RAD23B: variants seen among roughly 807,000 people sequenced by gnomAD.
RAD23B encodes RAD23 nucleotide excision repair protein B.
RAD23B carries 5 observed loss-of-function variants against 49.1 expected under a neutral mutation model. The observed-to-expected ratio is 0.10, with a 90% confidence interval of 0.05 to 0.21. The LOEUF (loss-of-function observed/expected upper bound fraction) is 0.21. Among genes scored for constraint, RAD23B ranks in the 10% least tolerant of loss-of-function variants. The probability of loss-of-function intolerance (pLI) is 1.00; values close to 1 mark genes in which losing one functional copy is unlikely to be tolerated. For synonymous variants in RAD23B, 184 were observed against 165.4 expected (o/e 1.11, Z -0.86); for missense variants, 356 against 486.7 (o/e 0.73, Z 2.53).
intron 1 of RAD23B, among the ~76,000 whole-genome samples, chr9:107,294,094 T>C (rs1212393106): frequency 3.9e-5 from 6 of 152,234 alleles, no homozygotes; most frequent in Admixed American, 2.6e-4. Flanking sequence ...TGCACGGTAG[T>C]GCTCACATTA....
intron 9 of RAD23B, among the ~76,000 whole-genome samples, chr9:107,326,669 T>C (rs1489602196): frequency 8.0e-6 from 1 of 124,832 alleles, no homozygotes; most frequent in Non-Finnish European, 1.6e-5. Context: ...AGTCTCGCTC[T>C]GTTGCCCAGG....
chr9:107,294,901 G>C (rs1826467265), intron 1 of RAD23B, among the ~76,000 whole-genome samples: 1 of 152,110 alleles, frequency 6.6e-6, no homozygotes, highest in Non-Finnish European at 1.5e-5. Context: ...TGGAGAGATA[G>C]GAAAACCAAA....
intron 3 of RAD23B, among the ~76,000 whole-genome samples, chr9:107,302,891 C>T (rs188218314): frequency 4.7e-4 from 71 of 151,988 alleles, no homozygotes; most frequent in African/African-American, 1.6e-3. Context: ...TTCCTGACCT[C>T]GTGATCCGCC....
chr9:107,320,087 A>T (rs1827078264), intron 6 of RAD23B, among the ~76,000 whole-genome samples: 1 of 152,254 alleles, frequency 6.6e-6, no homozygotes, highest in African/African-American at 2.4e-5. Flanking sequence ...AGAGTCAGTT[A>T]TAAGCCTCAT....
Position 107,331,787 on chromosome 9 carries a change from T to C in RAD23B, c.*2131T>C, listed in dbSNP as rs374441589. The C allele has an allele frequency of 1.4e-4, 105 of 767,620 alleles. 2 individuals carry two copies. The highest frequency in any genetic ancestry group is 1.1e-3 in the African/African-American group (65 of 58,370). The allele number at this position is 767,620 out of a possible 1,614,324, so 47.6% of individuals were successfully genotyped here. A position where few individuals can be genotyped will look rare whatever the true frequency, so the allele number is the denominator to read the frequency against. On this transcript the variant is annotated 3_prime_UTR_variant, in exon 10 of 10. Coordinates refer to ENST00000358015, the MANE Select transcript of RAD23B (RefSeq NM_002874.5). Reference sequence around the variant, plus strand: ...AATCTGGATATACTAGGATTAATTATCAGAAGACAGCTCAGGCCAAGTTTT... The same window carrying C: ...AATCTGGATATACTAGGATTAATTACCAGAAGACAGCTCAGGCCAAGTTTT...
chr9:107,285,074 A>G (rs772754545), intron 1 of RAD23B, among the ~76,000 whole-genome samples: 1 of 152,176 alleles, frequency 6.6e-6, no homozygotes, highest in Admixed American at 6.5e-5. Flanking sequence ...TTGGTACAAA[A>G]TTATTTGATT....
intron 5 of RAD23B, among the ~76,000 whole-genome samples, chr9:107,313,942 C>T (rs964006514): frequency 1.4e-4 from 21 of 151,656 alleles, no homozygotes; most frequent in Non-Finnish European, 2.4e-4. Flanking sequence ...TTCCTTTCTC[C>T]TTCCTTCCTC....
At chr9:107,315,007 G>A (rs1826962682) in intron 5 of RAD23B, among the ~76,000 whole-genome samples, 1 of 151,998 alleles carries the variant, frequency 6.6e-6, no homozygotes, top group Admixed American at 6.6e-5. Context: ...TTTTTTTCTT[G>A]ATGTTTTAAA....
intron 6 of RAD23B, among the ~76,000 whole-genome samples, chr9:107,320,865 A>C (rs922850701): frequency 2.6e-5 from 4 of 152,200 alleles, no homozygotes; most frequent in Non-Finnish European, 5.9e-5. Flanking sequence ...AGTGACATCT[A>C]ATCCATGCAG....
chr9:107,324,046 G>T, intron 8 of RAD23B, 29 bp downstream of exon 8: 2 of 1,606,402 alleles, frequency 1.2e-6, no homozygotes, highest in South Asian at 2.2e-5. Context: ...TTTCACAAGT[G>T]ATTTAGAGTG....
chr9:107,306,544 A>G lies in RAD23B; in HGVS notation c.394A>G (p.Thr132Ala), dbSNP rs1422182733. Reference sequence around the variant, plus strand: ...TGCATCCATCACTCCAGCATCAGCGACAGCATCTTCTGAACCTGCACCTGC... The same window carrying G: ...TGCATCCATCACTCCAGCATCAGCGGCAGCATCTTCTGAACCTGCACCTGC... ...TPASITPASA[T>A]ASSEPAPASA... Residue 132 changes from threonine to alanine, a missense_variant, in exon 4 of 10, where the codon ACA (threonine) becomes GCA (alanine). By Grantham distance (58) the Thr-to-Ala change is moderately conservative (BLOSUM62 0). Around this residue, in one of 5 missense-constraint regions of RAD23B, gnomAD observed 137 missense variants for 122.0 expected, o/e 1.12. Transcript: ENST00000358015. The G allele has an allele frequency of 6.2e-7, 1 of 1,614,004 alleles. No individual in the cohort carries two copies. Among genetic ancestry groups the G allele is most frequent in the Non-Finnish European group, 8.5e-7 (1 of 1,180,030 alleles).
chr9:107,326,260 T>TGGAA (rs1200266562), intron 9 of RAD23B, among the ~76,000 whole-genome samples: 1 of 152,034 alleles, frequency 6.6e-6, no homozygotes, highest in South Asian at 2.1e-4. Flanking sequence ...TCCTGTTGTC[T>TGGAA]GGAAGTATTT....
At position 107,283,449 on chromosome 9, in the gene RAD23B, C is replaced by T. The variant is rs1476816827; in HGVS notation, c.-181C>T. 4.4e-6 allele frequency: 2 copies of T among 450,240 alleles called. No homozygotes were observed. Among genetic ancestry groups the T allele is most frequent in the African/African-American group, 2.0e-5 (1 of 48,962 alleles). The allele number at this position is 450,240 out of a possible 1,614,324, so 27.9% of individuals were successfully genotyped here. A position where few individuals can be genotyped will look rare whatever the true frequency, so the allele number is the denominator to read the frequency against. ...GCAGTCGCGGAGGCAGCGGCGCGGT[C>T]CGGGGCACGGGCTGGGGGAGAGGCC... On this transcript the variant is annotated 5_prime_UTR_variant, in exon 1 of 10. Coordinates refer to ENST00000358015, the MANE Select transcript of RAD23B (RefSeq NM_002874.5).
At chr9:107,285,729 A>T (rs574135208) in intron 1 of RAD23B, among the ~76,000 whole-genome samples, 24 of 152,354 alleles carry the variant, frequency 1.6e-4, no homozygotes, top group Admixed American at 1.2e-3. Context: ...TTATATAAAT[A>T]TAATTTTGTT....
At chr9:107,309,470 TGTTAA>T (rs1256535368) in intron 4 of RAD23B, among the ~76,000 whole-genome samples, 1 of 152,232 alleles carries the variant, frequency 6.6e-6, no homozygotes, top group Non-Finnish European at 1.5e-5. Flanking sequence ...TGGGTATGCA[TGTTAA>T]TGTGTAGAAG....
chr9:107,311,632 TA>T, intron 4 of RAD23B, 49 bp from the exon 5 acceptor site: 1 of 1,347,820 alleles, frequency 7.4e-7, no homozygotes, highest in African/African-American at 1.5e-5. Flanking sequence ...TAATGTAAAT[TA>T]AATTTTATAT....
At chr9:107,308,640 T>G (rs765075664) in intron 4 of RAD23B, among the ~76,000 whole-genome samples, 6 of 152,208 alleles carry the variant, frequency 3.9e-5, no homozygotes, top group Non-Finnish European at 8.8e-5. Flanking sequence ...AACTTGATGG[T>G]CAGTGATCCA....
intron 1 of RAD23B, 143 bp from the exon 2 acceptor site, chr9:107,299,998 T>C: frequency 1.8e-6 from 2 of 1,084,198 alleles, no homozygotes; most frequent in Non-Finnish European, 2.5e-6. Flanking sequence ...TTTTTTGATA[T>C]AAATTGGAAA....
Position 107,318,658 on chromosome 9 carries a change from GT to G in RAD23B, c.554-92del, listed in dbSNP as rs1827042910. ...TCATCTTTGTATTCCCAGCATAGTA[GT>G]TCCTGAAATGTTGTATACATGAATC... On this transcript the variant is annotated intron_variant, in intron 5 of 9. Coordinates refer to ENST00000358015, the MANE Select transcript of RAD23B (RefSeq NM_002874.5). This position sits in a 1 kb window ranked among gnomAD's most constrained non-coding sequence, Gnocchi z 4.3. The G allele has an allele frequency of 6.1e-6, 8 of 1,317,752 alleles. No individual in the cohort carries two copies. The East Asian group carries it at 1.9e-4, about 32-fold the overall frequency. The allele number at this position is 1,317,752 out of a possible 1,614,324, so 81.6% of individuals were successfully genotyped here.
Sources: gnomAD v4.1 joint callset for allele counts (sites outside exome capture counted in the v4.1 genomes callset) on GRCh38, gnomAD v4.1.1 for gene constraint, gnomAD v4.1.1 regional missense constraint, Gnocchi (gnomAD v3.1) non-coding constraint, MANE v1.5 for transcripts, NCBI Gene and HGNC (gene_info 2026-07-23, HGNC 2026-07-21) for gene names.